Variants in SPAG16 observed in about 807,000 individuals in gnomAD.
The protein encoded by SPAG16 is sperm associated antigen 16, also known as sperm-associated antigen 16 protein.
A neutral mutation model predicts 80.4 loss-of-function variants in SPAG16; 86 were observed. That is an observed-to-expected ratio of 1.07 (90% CI 0.90 to 1.28). The LOEUF (loss-of-function observed/expected upper bound fraction) is 1.28. Among genes scored for constraint, SPAG16 ranks in the 50% most tolerant of loss-of-function variants. The pLI is 0.00. For missense variants in SPAG16, 870 were observed against 765.3 expected (o/e 1.14, Z -1.61); for synonymous variants, 294 against 265.9 (o/e 1.11, Z -1.03).
At chr2:213,599,116 G>C (rs1446291995) in intron 10 of SPAG16, among the ~76,000 whole-genome samples, 1 of 152,062 alleles carries the variant, frequency 6.6e-6, no homozygotes, top group Non-Finnish European at 1.5e-5. Flanking sequence ...AGAATTTAAA[G>C]ACTTGAAAAA....
intron 10 of SPAG16, among the ~76,000 whole-genome samples, chr2:213,579,791 C>G (rs2060243892): frequency 6.6e-6 from 1 of 152,092 alleles, no homozygotes; most frequent in African/African-American, 2.4e-5. Flanking sequence ...GAGGTAATCC[C>G]TCCCAATTCT....
chr2:213,556,111 A>T (rs2059414988), intron 10 of SPAG16, among the ~76,000 whole-genome samples: 1 of 151,960 alleles, frequency 6.6e-6, no homozygotes. Context: ...GAACCAAAAC[A>T]TATCACTGGA....
chr2:213,375,301 G>T, intron 9 of SPAG16, 182 bp downstream of exon 9: 1 of 449,402 alleles, frequency 2.2e-6, no homozygotes, highest in South Asian at 4.6e-5. Flanking sequence ...GTTAATTCAG[G>T]GACACAGGCT....
intron 14 of SPAG16, among the ~76,000 whole-genome samples, chr2:214,134,348 G>A (rs910401900): frequency 6.6e-6 from 1 of 152,224 alleles, no homozygotes; most frequent in Admixed American, 6.5e-5. Context: ...TTAATTCAAA[G>A]GTCACACATT....
In SPAG16 at chr2:213,294,431, ATAAT is replaced by A. The variant is rs377374496; in HGVS notation, c.137-1628_137-1625del. ...ATTAGAATCTGTTCTACAGTAATAG[ATAAT>A]TAATAAAGGAGGTATTTTACTCCTT... On this transcript the variant is annotated intron_variant, in intron 1 of 15. Coordinates refer to ENST00000331683, the MANE Select transcript of SPAG16 (RefSeq NM_024532.5). 3.5e-4 allele frequency among the ~76,000 whole-genome samples: 54 copies of A among 152,358 alleles called. No homozygotes were observed. The East Asian group carries it at 6.5e-3, about 18-fold the overall frequency.
chr2:213,380,992 G>T (rs1377889896), intron 9 of SPAG16, among the ~76,000 whole-genome samples: 16 of 152,180 alleles, frequency 1.1e-4, no homozygotes, highest in Admixed American at 7.9e-4. Context: ...CTGGTTGTAA[G>T]ATTTTACTAA....
At chr2:213,366,311 C>A (rs1417038605) in intron 8 of SPAG16, among the ~76,000 whole-genome samples, 1 of 151,916 alleles carries the variant, frequency 6.6e-6, no homozygotes, top group Admixed American at 6.6e-5. Flanking sequence ...AACTTAAACA[C>A]CTAAGAAAAG....
intron 10 of SPAG16, among the ~76,000 whole-genome samples, chr2:213,542,297 T>C (rs2076472886): frequency 6.6e-6 from 1 of 152,196 alleles, no homozygotes. Context: ...ACCTAGCTAA[T>C]ATAATTATTT....
At chr2:214,398,726 A>T (rs1701538295) in intron 15 of SPAG16, among the ~76,000 whole-genome samples, 1 of 152,218 alleles carries the variant, frequency 6.6e-6, no homozygotes, top group South Asian at 2.1e-4. Context: ...GTTAATATAA[A>T]TTTATTTAGC....
intron 9 of SPAG16, among the ~76,000 whole-genome samples, chr2:213,488,614 C>T (rs1315139520): frequency 6.6e-6 from 1 of 151,672 alleles, no homozygotes; most frequent in Non-Finnish European, 1.5e-5. Context: ...AGCGTGCTTC[C>T]AATTTTGTAA....
chr2:213,937,910 T>C (rs2079051969), intron 12 of SPAG16, among the ~76,000 whole-genome samples: 1 of 151,958 alleles, frequency 6.6e-6, no homozygotes, highest in Admixed American at 6.6e-5. Context: ...AAGGTAAATG[T>C]CCTTAGGATT....
chr2:213,519,605 T>A (rs1487890581), intron 10 of SPAG16, among the ~76,000 whole-genome samples: 1 of 152,224 alleles, frequency 6.6e-6, no homozygotes, highest in African/African-American at 2.4e-5. Flanking sequence ...CTGTCTTTTG[T>A]AAATTGCCAG....
At chr2:213,734,956 C>T (rs1482882969) in intron 10 of SPAG16, among the ~76,000 whole-genome samples, 1 of 69,124 alleles carries the variant, frequency 1.4e-5, no homozygotes, top group Non-Finnish European at 3.3e-5. Flanking sequence ...CCCTAAGGTG[C>T]CTTTCTAGAT....
chr2:213,695,758 A>G (rs1417006461), intron 10 of SPAG16, among the ~76,000 whole-genome samples: 1 of 152,210 alleles, frequency 6.6e-6, no homozygotes, highest in Non-Finnish European at 1.5e-5. Context: ...TAACTTGGGA[A>G]AGGACTTGGT....
At chr2:214,207,150 C>T (rs1368685403) in intron 15 of SPAG16, among the ~76,000 whole-genome samples, 3 of 152,136 alleles carry the variant, frequency 2.0e-5, no homozygotes, top group Non-Finnish European at 4.4e-5. Context: ...AAAATATTAC[C>T]TTCAAATCAG....
chr2:214,290,321 C>T (rs1195838841), intron 15 of SPAG16, among the ~76,000 whole-genome samples: 1 of 151,768 alleles, frequency 6.6e-6, no homozygotes, highest in Admixed American at 6.6e-5. Context: ...GCAATATTGG[C>T]CTGTAATTTT....
intron 10 of SPAG16, among the ~76,000 whole-genome samples, chr2:213,663,575 T>TA (rs2063499054): frequency 6.6e-6 from 1 of 152,110 alleles, no homozygotes; most frequent in Admixed American, 6.6e-5. Context: ...AGCAATTTGA[T>TA]AACGTATACA....
At chr2:213,597,708 A>G (rs2060930078) in intron 10 of SPAG16, among the ~76,000 whole-genome samples, 2 of 152,158 alleles carry the variant, frequency 1.3e-5, no homozygotes, top group African/African-American at 4.8e-5. Flanking sequence ...TTAAGAAAAA[A>G]AAATTTTGTT....
chr2:213,334,107 T>C (rs933881824), intron 5 of SPAG16, among the ~76,000 whole-genome samples: 1 of 152,066 alleles, frequency 6.6e-6, no homozygotes, highest in East Asian at 1.9e-4. Flanking sequence ...TAAGAAACTC[T>C]ATAGGAAAAA....
Sources: gnomAD v4.1 joint callset for allele counts (sites outside exome capture counted in the v4.1 genomes callset) on GRCh38, gnomAD v4.1.1 for gene constraint, MANE v1.5 for transcripts, NCBI Gene and HGNC (gene_info 2026-07-23, HGNC 2026-07-21) for gene names.